Variants in TMX4 observed in about 807,000 individuals in gnomAD.
TMX4 encodes thioredoxin related transmembrane protein 4.
A neutral mutation model predicts 33.3 loss-of-function variants in TMX4; 23 were observed. The ratio of observed to expected loss-of-function variants is 0.69; its 90% CI spans 0.50 to 0.98. The LOEUF is 0.98. Among genes scored for constraint, TMX4 ranks in the 50% least tolerant of loss-of-function variants. TMX4 has a pLI of 0.00. For missense variants in TMX4, 399 were observed against 448.9 expected (o/e 0.89, Z 1.01); for synonymous variants, 164 against 161.5 (o/e 1.02, Z -0.12).
At chr20:8,016,254 C>T (rs996696684) in intron 1 of TMX4, among the ~76,000 whole-genome samples, 15 of 152,118 alleles carry the variant, frequency 9.9e-5, no homozygotes, top group African/African-American at 3.6e-4. Flanking sequence ...TGCCTGTATT[C>T]CCAGCTACTT....
chr20:7,983,850 A>C lies in TMX4; in HGVS notation c.623T>G (p.Val208Gly). Reference sequence around the variant, plus strand: ...CACATAGAAACATTCTGATATTACCACCAAGACCTGGAAGGAAAAAAGTGA... The same window carrying C: ...CACATAGAAACATTCTGATATTACCCCCAAGACCTGGAAGGAAAAAAGTGA... ...VFGLFMGLVL[V>G]VISECFYVPL... Residue 208 changes from valine (V) to glycine (G), a missense_variant, in exon 7 of 8, where the codon GTG becomes GGG. By Grantham distance (109) the Val-to-Gly change is moderately radical (BLOSUM62 -3). Transcript: ENST00000246024. 1.9e-6 allele frequency: 3 copies of C among 1,613,532 alleles called. No homozygotes were observed. The highest frequency in any genetic ancestry group is 2.5e-6 in the Non-Finnish European group (3 of 1,179,744).
chr20:7,990,529 AT>A (rs1195091133), intron 5 of TMX4, among the ~76,000 whole-genome samples: 2 of 152,198 alleles, frequency 1.3e-5, no homozygotes, highest in African/African-American at 4.8e-5. Context: ...GCCTCCATGC[AT>A]CTGAGGTAGA....
intron 2 of TMX4, 44 bp from the exon 3 acceptor site, chr20:8,001,585 CA>C (rs749739164): frequency 1.2e-5 from 18 of 1,541,698 alleles, no homozygotes; most frequent in African/African-American, 5.5e-5. Context: ...TTAAGTCCTC[CA>C]AAAAAAGCAT....
chr20:7,995,960 C>A, intron 5 of TMX4, 66 bp downstream of exon 5: 1 of 1,317,390 alleles, frequency 7.6e-7, no homozygotes, highest in Non-Finnish European at 1.1e-6. Context: ...TTTCCTATTG[C>A]TTAAAAGCTG....
rs368474786 is a variant in TMX4, at chr20:7,989,376, T to C, written c.514-1987A>G. Among the ~76,000 whole-genome samples the C allele has an allele frequency of 5.6e-4, 86 of 152,346 alleles. No homozygotes were observed. In the South Asian group the frequency reaches 0.018, roughly 31 times the overall value. On this transcript the variant is annotated intron_variant, in intron 5 of 7. Transcript: ENST00000246024. ...CAGTTTTAAGTCCTTCTATACAGTA[T>C]CTCATGCCCTTTCTGCAAAATAAAT...
chr20:7,993,576 C>T (rs2050664065), intron 5 of TMX4, among the ~76,000 whole-genome samples: 1 of 151,996 alleles, frequency 6.6e-6, no homozygotes, highest in African/African-American at 2.4e-5. Context: ...GACTGGGTCT[C>T]TTTAGGTCAG....
intron 2 of TMX4, among the ~76,000 whole-genome samples, chr20:8,007,835 G>T (rs562481721): frequency 6.6e-6 from 1 of 152,152 alleles, no homozygotes; most frequent in African/African-American, 2.4e-5. Flanking sequence ...TAACTTAAGA[G>T]GTAGCTCCAA....
intron 4 of TMX4, among the ~76,000 whole-genome samples, chr20:7,997,614 A>T (rs1264614979): frequency 6.6e-6 from 1 of 152,268 alleles, no homozygotes; most frequent in East Asian, 1.9e-4. Context: ...TAGCCAACTA[A>T]AATTAGTTTA....
At chr20:8,006,780 CA>C (rs2050732703) in intron 2 of TMX4, among the ~76,000 whole-genome samples, 1 of 138,582 alleles carries the variant, frequency 7.2e-6, no homozygotes, top group African/African-American at 2.9e-5. Flanking sequence ...TTTTTTGAGA[CA>C]AAGTTATGTT....
chr20:8,011,896 T>C (rs890365618), intron 1 of TMX4, among the ~76,000 whole-genome samples: 1 of 152,186 alleles, frequency 6.6e-6, no homozygotes, highest in African/African-American at 2.4e-5. Flanking sequence ...TCTTTGAATG[T>C]AGATTTTTTT....
At chr20:7,993,840 G>A (rs1199721918) in intron 5 of TMX4, among the ~76,000 whole-genome samples, 4 of 151,860 alleles carry the variant, frequency 2.6e-5, no homozygotes, top group African/African-American at 7.3e-5. Context: ...GTTCTTTTAT[G>A]TGCAACTCTC....
At position 7,979,633 on chromosome 20, in the gene TMX4, G is replaced by C. The variant is rs1427389563; in HGVS notation, c.*2618C>G. ...ACATGCCTGTAATCCCAGCTACCTGGGAGGCTGAGGCAGGAGAATCCCTTG... is the reference window on the plus strand; with the variant it reads ...ACATGCCTGTAATCCCAGCTACCTGCGAGGCTGAGGCAGGAGAATCCCTTG... On this transcript the variant is annotated 3_prime_UTR_variant, in exon 8 of 8. Coordinates refer to ENST00000246024, the MANE Select transcript of TMX4 (RefSeq NM_021156.4). The C allele has an allele frequency of 6.6e-6, 1 of 151,888 alleles. No individual in the cohort carries two copies. Among genetic ancestry groups the C allele is most frequent in the African/African-American group, 2.4e-5 (1 of 41,330 alleles). 9.4% of individuals were successfully genotyped at this position (151,888 alleles called of 1,614,324 possible).
At position 7,999,796 on chromosome 20, in the gene TMX4, T is replaced by C; in HGVS notation, c.403A>G (p.Ile135Val). 5.0e-6 allele frequency: 8 copies of C among 1,613,794 alleles called. No homozygotes were observed. The highest frequency in any genetic ancestry group is 6.8e-6 in the Non-Finnish European group (8 of 1,179,872). ...PGIFEDLQNYILEKKWQSVEP... is the reference protein window; with the variant it reads ...PGIFEDLQNYVLEKKWQSVEP... ...ACTGATTGCCATTTCTTCTCTAAGA[T>C]ATAATTCTGCAGGTCTTCGAAGATT... The change falls in exon 4 of 8, where the codon ATC (isoleucine) becomes GTC (valine). Residue 135 changes from isoleucine (I) to valine (V), a missense_variant. Physicochemically the swap from Ile to Val is conservative, Grantham distance 29 (BLOSUM62 3). Coordinates refer to ENST00000246024, the MANE Select transcript of TMX4 (RefSeq NM_021156.4).
At chr20:7,996,704 G>A (rs1001386034) in intron 4 of TMX4, among the ~76,000 whole-genome samples, 1 of 152,016 alleles carries the variant, frequency 6.6e-6, no homozygotes, top group Admixed American at 6.6e-5. Context: ...TTAGGACTTG[G>A]TTCTTTCTCT....
In TMX4 at chr20:8,019,408, G is replaced by C. The variant is rs193100621; in HGVS notation, c.176+30C>G. ...GGAGGGTGACGCCCGCGAGGACACTGCGGCGTCCGGGGCGGGCGGGCACAC... is the reference window on the plus strand; with the variant it reads ...GGAGGGTGACGCCCGCGAGGACACTCCGGCGTCCGGGGCGGGCGGGCACAC... On this transcript the variant is annotated intron_variant, in intron 1 of 7. Coordinates refer to ENST00000246024, the MANE Select transcript of TMX4 (RefSeq NM_021156.4). The C allele has an allele frequency of 1.4e-3, 2,156 of 1,509,950 alleles. 29 individuals carry two copies. The African/African-American group carries it at 0.027, about 19-fold the overall frequency. 93.5% of individuals were successfully genotyped at this position (1,509,950 alleles called of 1,614,324 possible). A position where few individuals can be genotyped will look rare whatever the true frequency, so the allele number is the denominator to read the frequency against.
rs1404781240 is a variant in TMX4 at position 7,999,984 on chromosome 20, G to GA, written c.339-125dup. 3 of 975,920 alleles carry GA rather than the reference G, an allele frequency of 3.1e-6. No homozygotes were observed. In the East Asian group the frequency reaches 8.2e-5, roughly 27 times the overall value. The allele number at this position is 975,920 out of a possible 1,614,324, so 60.5% of individuals were successfully genotyped here. A position where few individuals can be genotyped will look rare whatever the true frequency, so the allele number is the denominator to read the frequency against. On this transcript the variant is annotated intron_variant, in intron 3 of 7. Transcript: ENST00000246024. Reference sequence around the variant, plus strand: ...ATCTGAACTTTAAATTGACTCAATTGAAAAATATACATAGAGATAAATCAG... The same window carrying GA: ...ATCTGAACTTTAAATTGACTCAATTGAAAAAATATACATAGAGATAAATCAG...
chr20:8,018,525 A>T (rs960991321), intron 1 of TMX4, among the ~76,000 whole-genome samples: 2 of 38,212 alleles, frequency 5.2e-5, no homozygotes, highest in African/African-American at 4.3e-4. Context: ...AGAGAGAGAG[A>T]GAGTCTGCAA....
At chr20:7,991,375 T>C (rs967539059) in intron 5 of TMX4, among the ~76,000 whole-genome samples, 1 of 152,216 alleles carries the variant, frequency 6.6e-6, no homozygotes, top group Admixed American at 6.5e-5. Flanking sequence ...CATATACAGG[T>C]TGAGTATCCC....
At chr20:7,989,925 T>C (rs960815327) in intron 5 of TMX4, among the ~76,000 whole-genome samples, 2 of 152,204 alleles carry the variant, frequency 1.3e-5, no homozygotes, top group African/African-American at 2.4e-5. Context: ...AAATATCCCA[T>C]GCTGTTCGCT....
Sources: gnomAD v4.1 joint callset for allele counts (sites outside exome capture counted in the v4.1 genomes callset) on GRCh38, gnomAD v4.1.1 for gene constraint, MANE v1.5 for transcripts, NCBI Gene and HGNC (gene_info 2026-07-23, HGNC 2026-07-21) for gene names.